The following WASF3 variants were observed in gnomAD, a reference collection of about 807,000 sequenced individuals.
The protein encoded by WASF3 is actin-binding protein WASF3.
WASF3 carries 11 observed loss-of-function variants against 46.6 expected under a neutral mutation model. The observed-to-expected ratio is 0.24, with a 90% CI of 0.15 to 0.39. The LOEUF (loss-of-function observed/expected upper bound fraction) is 0.39. WASF3 is among the 10% of genes least tolerant of loss of function. WASF3 has a pLI of 1.00. For missense variants in WASF3, 576 were observed against 669.8 expected, an observed-to-expected ratio of 0.86 and a Z score of 1.55; for synonymous variants, 242 against 259.7, an observed-to-expected ratio of 0.93 and a Z score of 0.65.
intron 1 of WASF3, among the ~76,000 whole-genome samples, chr13:26,579,224 AC>A (rs1359940933): frequency 1.3e-5 from 2 of 151,116 alleles, no homozygotes; most frequent in African/African-American, 4.9e-5. Flanking sequence ...CTGGTCTTGA[AC>A]CCCTGGCTTC....
intron 1 of WASF3, among the ~76,000 whole-genome samples, chr13:26,580,801 T>A (rs1257862577): frequency 6.6e-6 from 1 of 151,460 alleles, no homozygotes; most frequent in Non-Finnish European, 1.5e-5. Flanking sequence ...AATTTTATAT[T>A]TTTAGTAGAG....
intron 1 of WASF3, among the ~76,000 whole-genome samples, chr13:26,599,084 A>T (rs1472331389): frequency 6.7e-6 from 1 of 148,660 alleles, no homozygotes; most frequent in African/African-American, 2.5e-5. Flanking sequence ...TTGGTCTCGA[A>T]CTCCTGACCT....
intron 1 of WASF3, among the ~76,000 whole-genome samples, chr13:26,608,491 G>T (rs1284016843): frequency 1.3e-5 from 2 of 152,120 alleles, no homozygotes; most frequent in Admixed American, 6.6e-5. Flanking sequence ...TATCTCTTCT[G>T]CTACTTGTTT....
At chr13:26,644,922 C>G (rs903119783) in intron 3 of WASF3, among the ~76,000 whole-genome samples, 2 of 152,164 alleles carry the variant, frequency 1.3e-5, no homozygotes, top group East Asian at 3.9e-4. Flanking sequence ...TTTCCCCTCC[C>G]ATTTGTGGTG....
At chr13:26,552,365 C>G in the WASF3 span, among the ~76,000 whole-genome samples, 1 of 152,252 alleles carries the variant, frequency 6.6e-6, no homozygotes, top group Admixed American at 6.5e-5. Flanking sequence ...AAGTTAATAT[C>G]AATATACTGC....
chr13:26,653,081 C>A lies in WASF3; in HGVS notation c.133+10678C>A, dbSNP rs138304917. On this transcript the variant is annotated intron_variant, in intron 3 of 9. Coordinates refer to ENST00000335327, the MANE Select transcript of WASF3 (RefSeq NM_006646.6). Reference sequence around the variant, plus strand: ...AAGCAATCAGAGCAGAAGTAAAGGTCTCCCTCTGACACATTGCACGCTGAT... The same window carrying A: ...AAGCAATCAGAGCAGAAGTAAAGGTATCCCTCTGACACATTGCACGCTGAT... 1.7e-3 allele frequency among the ~76,000 whole-genome samples: 256 copies of A among 152,236 alleles called. 1 individual carries two copies. Among genetic ancestry groups the A allele is most frequent in the African/African-American group, 5.9e-3 (245 of 41,528 alleles).
At chr13:26,636,186 T>C (rs1204984193) in intron 2 of WASF3, among the ~76,000 whole-genome samples, 1 of 152,258 alleles carries the variant, frequency 6.6e-6, no homozygotes, top group Admixed American at 6.5e-5. Context: ...GCTTCCCGGC[T>C]GCTTTGTTTA....
At chr13:26,632,042 A>C (rs1040326991) in intron 2 of WASF3, among the ~76,000 whole-genome samples, 2 of 152,236 alleles carry the variant, frequency 1.3e-5, no homozygotes, top group Non-Finnish European at 2.9e-5. Context: ...GACTTTGCTG[A>C]AGTAGCTTAT....
At chr13:26,594,601 A>G (rs1880405285) in intron 1 of WASF3, among the ~76,000 whole-genome samples, 1 of 152,122 alleles carries the variant, frequency 6.6e-6, no homozygotes, top group Admixed American at 6.6e-5. Context: ...TTCCCCGTGT[A>G]CATCATTCAT....
At chr13:26,651,174 T>G (rs2137431902) in intron 3 of WASF3, among the ~76,000 whole-genome samples, 1 of 152,122 alleles carries the variant, frequency 6.6e-6, no homozygotes, top group Non-Finnish European at 1.5e-5. Context: ...ATACAAAAAT[T>G]AGGCTGGTAC....
At chr13:26,553,223 A>G (rs1879007132), upstream of WASF3, among the ~76,000 whole-genome samples, 1 of 152,120 alleles carries the variant, frequency 6.6e-6, no homozygotes, top group African/African-American at 2.4e-5. Context: ...TATTCTCTTG[A>G]CCACAATACC....
intron 2 of WASF3, chr13:26,637,978 G>C (rs532264698): frequency 1.3e-5 from 2 of 152,546 alleles, no homozygotes; most frequent in South Asian, 4.1e-4. Context: ...AGAAAAGGGG[G>C]TAGAAACTGG....
Position 26,588,069 on chromosome 13 carries a change from T to C in WASF3, c.-108-24892T>C, listed in dbSNP as rs140393044. Among the ~76,000 whole-genome samples, 861 of 152,320 alleles carry C rather than the reference T, an allele frequency of 5.7e-3. 10 individuals carry two copies. Among genetic ancestry groups the C allele is most frequent in the African/African-American group, 0.02 (820 of 41,584 alleles). ...AGGGCAAGGTTTGGAATTGGTTGAC[T>C]CTAGTTACACAAGACTCAGTCTATT... is the stretch of plus-strand genomic sequence containing the variant. On this transcript the variant is annotated intron_variant, in intron 1 of 9. Coordinates refer to ENST00000335327, the MANE Select transcript of WASF3 (RefSeq NM_006646.6).
At chr13:26,563,250 G>A (rs1424352251) in intron 1 of WASF3, among the ~76,000 whole-genome samples, 3 of 151,828 alleles carry the variant, frequency 2.0e-5, no homozygotes, top group African/African-American at 7.3e-5. Context: ...TGTAGAGATG[G>A]TGTTTTGCTA....
At chr13:26,654,651 G>A (rs1336034636) in intron 3 of WASF3, among the ~76,000 whole-genome samples, 1 of 152,174 alleles carries the variant, frequency 6.6e-6, no homozygotes, top group Non-Finnish European at 1.5e-5. Flanking sequence ...TTAGAATATT[G>A]TAAAGAAGTA....
At chr13:26,596,277 T>A (rs1353798524) in intron 1 of WASF3, among the ~76,000 whole-genome samples, 1 of 152,102 alleles carries the variant, frequency 6.6e-6, no homozygotes, top group African/African-American at 2.4e-5. Flanking sequence ...CGTCTGTATA[T>A]CCTCTTTGGT....
upstream of WASF3, among the ~76,000 whole-genome samples, chr13:26,552,750 G>A (rs1593360438): frequency 6.6e-6 from 1 of 152,268 alleles, no homozygotes; most frequent in African/African-American, 2.4e-5. Flanking sequence ...CTTCCGCAAA[G>A]TGAGATTGAA....
chr13:26,562,842 C>CCCTCCCCTCCCTTCT (rs1879335422), intron 1 of WASF3, among the ~76,000 whole-genome samples: 4 of 54,300 alleles, frequency 7.4e-5, no homozygotes, highest in African/African-American at 2.2e-4. Context: ...TGATTTCCTC[C>CCCTCCCCTCCCTTCT]CCTCCCCTCC....
At chr13:26,622,698 C>T (rs1363848623) in intron 2 of WASF3, 1 of 152,040 alleles carries the variant, frequency 6.6e-6, no homozygotes, top group Non-Finnish European at 1.5e-5. Context: ...TCACTTGAAC[C>T]CGGGAGATGG....
Sources: allele counts gnomAD v4.1 joint callset (sites outside exome capture counted in the v4.1 genomes callset), GRCh38; gene constraint gnomAD v4.1.1; transcripts MANE v1.5; gene names NCBI Gene and HGNC (gene_info 2026-07-23, HGNC 2026-07-21).